ATP11A: variants seen among roughly 807,000 people sequenced by gnomAD.
The protein encoded by ATP11A is phospholipid-transporting ATPase IH.
A neutral mutation model predicts 154.4 loss-of-function variants in ATP11A; 81 were observed. That is an observed-to-expected ratio of 0.52 (90% confidence interval 0.44 to 0.63). ATP11A has a LOEUF of 0.63. Ranked by LOEUF, ATP11A falls within the 30% of genes least tolerant of loss-of-function variation. ATP11A has a pLI of 0.00. For missense variants in ATP11A, 1,316 were observed against 1,474.3 expected, an observed-to-expected ratio of 0.89 and a Z score of 1.76; for synonymous variants, 623 against 585.9, an observed-to-expected ratio of 1.06 and a Z score of -0.91.
intron 8 of ATP11A, among the ~76,000 whole-genome samples, chr13:112,820,904 T>C (rs76887510): frequency 0.047 from 6,947 of 147,672 alleles, 213 homozygotes; most frequent in South Asian, 0.075. Context: ...AAGTGAATAG[T>C]TCCTGAAATG....
intron 2 of ATP11A, among the ~76,000 whole-genome samples, chr13:112,794,290 CG>C (rs2077939980): frequency 6.6e-6 from 1 of 152,142 alleles, no homozygotes; most frequent in South Asian, 2.1e-4. Flanking sequence ...AATTCAACAA[CG>C]ATGAGCGAAG....
rs551262325 is a variant in ATP11A at position 112,825,587 on chromosome 13, A to C, written c.1023+7A>C. ...GGAAAGGCAGAGGAATCTGGTATGGAGAATCACTGCCCTTGTATGATCCGA... is the reference window on the plus strand; with the variant it reads ...GGAAAGGCAGAGGAATCTGGTATGGCGAATCACTGCCCTTGTATGATCCGA... On this transcript the variant is annotated splice_region_variant and intron_variant, in intron 11 of 29. Transcript: ENST00000375645. 126 of 1,610,830 alleles carry C rather than the reference A, an allele frequency of 7.8e-5. No individual in the cohort carries two copies. The South Asian group carries it at 1.3e-3, about 17-fold the overall frequency.
rs754791463 is a variant in ATP11A at position 112,810,700 on chromosome 13, G to C, written c.415G>C (p.Val139Leu). The C allele has an allele frequency of 6.2e-7, 1 of 1,614,110 alleles. No homozygotes were observed. Among genetic ancestry groups the C allele is most frequent in the Non-Finnish European group, 8.5e-7 (1 of 1,180,018 alleles). The change falls in exon 5 of 30, where the codon GTT becomes CTT. Residue 139 changes from valine to leucine, a missense_variant. This residue lies in a region of ATP11A where 876 missense variants were observed against 1,006.8 expected (regional missense o/e 0.87). Coordinates refer to ENST00000375645, the MANE Select transcript of ATP11A (RefSeq NM_015205.3). ...PVHFIQHGKL[V>L]RKQSRKLRVG... is the part of the protein sequence containing the mutation. The stretch of plus-strand genomic sequence containing the variant: ...TCATTTCATTCAGCACGGCAAGCTC[G>C]TTCGGAAACAAAGTCGAAAGCTGCG...
Position 112,858,267 on chromosome 13 carries a change from C to G in ATP11A, c.2644C>G (p.Leu882Val). The change falls in exon 22 of 30, where the codon CTC (leucine) becomes GTC (valine). Residue 882 changes from leucine to valine, a missense_variant. Coordinates refer to ENST00000375645, the MANE Select transcript of ATP11A (RefSeq NM_015205.3). ...GHFYYIRISE[L>V]VQYFFYKNVC... ...TTTTTATTACATTAGGATCTCTGAG[C>G]TCGTGCAGTACTTCTTCTATAAGGT... 1 of 1,613,670 alleles carries G rather than the reference C, an allele frequency of 6.2e-7. No individual in the cohort carries two copies. The highest frequency in any genetic ancestry group is 8.5e-7 in the Non-Finnish European group (1 of 1,179,884).
chr13:112,869,264 G>T lies in ATP11A; in HGVS notation c.2992-2471G>T, dbSNP rs532527310. The stretch of plus-strand genomic sequence containing the variant: ...GCGTTTCTCAGGGGCCCTGACCAAG[G>T]TGCCTGATTCTGGATTCACGATAGC... On this transcript the variant is annotated intron_variant, in intron 25 of 29. Transcript: ENST00000375645. 3.3e-5 allele frequency among the ~76,000 whole-genome samples: 5 copies of T among 152,352 alleles called. No homozygotes were observed. In the South Asian group the frequency reaches 1.0e-3, roughly 32 times the overall value.
Position 112,746,244 on chromosome 13 carries a change from T to C in ATP11A, c.40-38891T>C, listed in dbSNP as rs1892119960. ...GCTGGGTCATACCTATGTTTAATTCTCTGAGGAACCTCCGTGCTGTCTCCA... is the reference window on the plus strand; with the variant it reads ...GCTGGGTCATACCTATGTTTAATTCCCTGAGGAACCTCCGTGCTGTCTCCA... On this transcript the variant is annotated intron_variant, in intron 1 of 29. Transcript: ENST00000375645. The surrounding 1 kb of genome is among the most constrained non-coding windows in gnomAD (Gnocchi z 4.1). 1 of 152,226 alleles carries C rather than the reference T, an allele frequency of 6.6e-6. No individual in the cohort carries two copies. The highest frequency in any genetic ancestry group is 1.5e-5 in the Non-Finnish European group (1 of 68,062). The allele number at this position is 152,226 out of a possible 1,614,324, so 9.4% of individuals were successfully genotyped here.
At chr13:112,735,968 C>T (rs1262948047) in intron 1 of ATP11A, among the ~76,000 whole-genome samples, 2 of 152,034 alleles carry the variant, frequency 1.3e-5, no homozygotes, top group Non-Finnish European at 2.9e-5. Flanking sequence ...TCCGTCTGCA[C>T]ATGCCCAGAG....
At chr13:112,877,238 C>G (rs937030091) in intron 28 of ATP11A, among the ~76,000 whole-genome samples, 1 of 152,218 alleles carries the variant, frequency 6.6e-6, no homozygotes, top group Non-Finnish European at 1.5e-5. Context: ...AGCCGGGGCC[C>G]TGGCTGAGAC....
At chr13:112,734,920 A>G (rs1371243627) in intron 1 of ATP11A, among the ~76,000 whole-genome samples, 1 of 152,184 alleles carries the variant, frequency 6.6e-6, no homozygotes, top group Non-Finnish European at 1.5e-5. Context: ...CCGACTGGTG[A>G]GGGGGAGTGC....
chr13:112,786,700 G>A (rs1474426298), intron 2 of ATP11A, among the ~76,000 whole-genome samples: 2 of 151,146 alleles, frequency 1.3e-5, no homozygotes, highest in Non-Finnish European at 2.9e-5. Flanking sequence ...TATCTTCACC[G>A]TCCTTCAAAA....
Position 112,690,153 on chromosome 13 carries a change from G to A in ATP11A, c.-264G>A, listed in dbSNP as rs1015107135. On this transcript the variant is annotated 5_prime_UTR_variant, in exon 1 of 30. Transcript: ENST00000375645. This position sits in a 1 kb window ranked among gnomAD's most constrained non-coding sequence, Gnocchi z 5.6. ...CGGGCGGACCGACGGGGAGAGAGAA[G>A]GCGCCAGAGCGCGCGCGCGCGGCCC... 2.7e-5 allele frequency among the ~76,000 whole-genome samples: 4 copies of A among 146,470 alleles called. No homozygotes were observed. The highest frequency in any genetic ancestry group is 1.0e-4 in the African/African-American group (4 of 39,354).
At chr13:112,840,396 C>G (rs1267151098) in intron 16 of ATP11A, among the ~76,000 whole-genome samples, 1 of 111,950 alleles carries the variant, frequency 8.9e-6, no homozygotes, top group Non-Finnish European at 1.9e-5. Flanking sequence ...TCTCATCCCC[C>G]CTGCCTCAGC....
At chr13:112,789,603 TG>T (rs1389772454) in intron 2 of ATP11A, among the ~76,000 whole-genome samples, 1 of 149,180 alleles carries the variant, frequency 6.7e-6, no homozygotes, top group East Asian at 2.0e-4. Context: ...CGTAGACCCC[TG>T]TGGAGACCTA....
intron 2 of ATP11A, among the ~76,000 whole-genome samples, chr13:112,800,732 T>C (rs1274273958): frequency 2.0e-5 from 3 of 152,126 alleles, no homozygotes; most frequent in Admixed American, 1.3e-4. Context: ...CTCATGAACA[T>C]AGAAGCAACG....
chr13:112,762,026 C>T (rs1230552524), intron 1 of ATP11A, among the ~76,000 whole-genome samples: 3 of 152,148 alleles, frequency 2.0e-5, no homozygotes, highest in South Asian at 2.1e-4. Context: ...TGTTTGAGTT[C>T]GTGACCTCGA....
Position 112,875,072 on chromosome 13 carries a change from G to C in ATP11A, c.3162-704G>C, listed in dbSNP as rs1046437208. Among the ~76,000 whole-genome samples the C allele has an allele frequency of 4.6e-5, 7 of 152,160 alleles. No homozygotes were observed. Among genetic ancestry groups the C allele is most frequent in the African/African-American group, 1.7e-4 (7 of 41,434 alleles). On this transcript the variant is annotated intron_variant, in intron 27 of 29. Coordinates refer to ENST00000375645, the MANE Select transcript of ATP11A (RefSeq NM_015205.3). This position sits in a 1 kb window ranked among gnomAD's most constrained non-coding sequence, Gnocchi z 4.1. ...CACCAGCACCACGTGGGTGCCCCCAGCCCCATCCCAGGTCTGCCAGCAGCT... is the reference window on the plus strand; with the variant it reads ...CACCAGCACCACGTGGGTGCCCCCACCCCCATCCCAGGTCTGCCAGCAGCT...
Position 112,810,600 on chromosome 13 carries a change from C to G in ATP11A, c.334-19C>G, listed in dbSNP as rs768175930. 1 of 1,604,832 alleles carries G rather than the reference C, an allele frequency of 6.2e-7. No homozygotes were observed. Among genetic ancestry groups the G allele is most frequent in the East Asian group, 2.2e-5 (1 of 44,834 alleles). ...TCTCTCCCTGCTTCCTCTCTCCCTT[C>G]TTTCCTTCCTTTTTTTAGGGTTATG... On this transcript the variant is annotated intron_variant, in intron 4 of 29. Coordinates refer to ENST00000375645, the MANE Select transcript of ATP11A (RefSeq NM_015205.3).
At chr13:112,831,923 G>GCA (rs1290488796) in intron 13 of ATP11A, among the ~76,000 whole-genome samples, 1 of 144,624 alleles carries the variant, frequency 6.9e-6, no homozygotes, top group African/African-American at 2.7e-5. Context: ...GACACTGTGT[G>GCA]CACACACAGA....
At chr13:112,867,157 A>AT (rs1261140640) in intron 25 of ATP11A, among the ~76,000 whole-genome samples, 1 of 152,048 alleles carries the variant, frequency 6.6e-6, no homozygotes, top group South Asian at 2.1e-4. Context: ...CCCACACTTG[A>AT]TTTTCCAGTT....
Sources: gnomAD v4.1 joint callset for allele counts (sites outside exome capture counted in the v4.1 genomes callset) on GRCh38, gnomAD v4.1.1 for gene constraint, gnomAD v4.1.1 regional missense constraint, Gnocchi (gnomAD v3.1) non-coding constraint, MANE v1.5 for transcripts, NCBI Gene and HGNC (gene_info 2026-07-23, HGNC 2026-07-21) for gene names.